ALCAM: variants seen among roughly 807,000 people sequenced by gnomAD.
ALCAM encodes activated leukocyte cell adhesion molecule.
Under a neutral mutation model 70.9 loss-of-function variants are expected in ALCAM, and 30 were observed. The observed-to-expected ratio is 0.42, with a 90% CI of 0.32 to 0.57. The LOEUF is 0.57. ALCAM is among the 20% of genes least tolerant of loss of function. The pLI is 0.11. For synonymous variants in ALCAM, 249 were observed against 242.5 expected (o/e 1.03, Z -0.25); for missense variants, 591 against 695.1 (o/e 0.85, Z 1.68).
In ALCAM at chr3:105,524,396, A is replaced by T. The variant is rs770334153; in HGVS notation, c.282A>T (p.Glu94Asp). 65 of 1,614,088 alleles carry T rather than the reference A, an allele frequency of 4.0e-5. No homozygotes were observed. The East Asian group carries it at 1.3e-3, about 32-fold the overall frequency. Residue 94 changes from glutamate to aspartate, a missense_variant, in exon 3 of 16, where the codon GAA (glutamate) becomes GAT (aspartate). Transcript: ENST00000306107. ...ACAAAGACAGATTGAACCTCTCAGA[A>T]AACTACACTTTGTCTATCAGTAATG... Reference protein sequence around the residue: ...PEYKDRLNLSENYTLSISNAR... With the variant: ...PEYKDRLNLSDNYTLSISNAR...
rs577809999 is a variant in ALCAM at position 105,405,606 on chromosome 3, T to C, written c.73+38125T>C. Among the ~76,000 whole-genome samples, 13 of 152,308 alleles carry C rather than the reference T, an allele frequency of 8.5e-5. No individual in the cohort carries two copies. The South Asian group carries it at 2.7e-3, about 32-fold the overall frequency. ...CCCAACAACTGCAGAATATACATTC[T>C]ATTCATCAGCACATGGAACATTCTC... On this transcript the variant is annotated intron_variant, in intron 1 of 15. Transcript: ENST00000306107.
At chr3:105,551,095 G>A (rs565715720) in intron 12 of ALCAM, among the ~76,000 whole-genome samples, 2 of 151,526 alleles carry the variant, frequency 1.3e-5, no homozygotes, top group Non-Finnish European at 3.0e-5. Flanking sequence ...AGCAGGCTAG[G>A]ACTACACTAG....
At chr3:105,474,409 G>A (rs1467632406) in intron 1 of ALCAM, among the ~76,000 whole-genome samples, 1 of 151,678 alleles carries the variant, frequency 6.6e-6, no homozygotes, top group Admixed American at 6.6e-5. Context: ...AAAATTTTAT[G>A]AGAATATATT....
chr3:105,536,527 CTG>C (rs1157117483), intron 6 of ALCAM, among the ~76,000 whole-genome samples: 1 of 152,100 alleles, frequency 6.6e-6, no homozygotes, highest in Non-Finnish European at 1.5e-5. Context: ...ATAGAAATAT[CTG>C]TGAGTATGAG....
At chr3:105,554,036 C>T (rs1157519097) in intron 14 of ALCAM, among the ~76,000 whole-genome samples, 1 of 151,798 alleles carries the variant, frequency 6.6e-6, no homozygotes, top group East Asian at 1.9e-4. Flanking sequence ...CTTAAGCAGC[C>T]CACACCAATA....
intron 1 of ALCAM, among the ~76,000 whole-genome samples, chr3:105,507,286 T>C (rs572316988): frequency 6.6e-6 from 1 of 152,298 alleles, no homozygotes; most frequent in South Asian, 2.1e-4. Context: ...TTATTGACTA[T>C]AGTCCCTAGC....
At chr3:105,418,660 T>G (rs1238355601) in intron 1 of ALCAM, among the ~76,000 whole-genome samples, 1 of 151,802 alleles carries the variant, frequency 6.6e-6, no homozygotes, top group Non-Finnish European at 1.5e-5. Context: ...TTTGATGCAT[T>G]TCCCTCAGAA....
rs1940894708 is a variant in ALCAM at position 105,573,262 on chromosome 3, G to A, written c.*26-1215G>A. ...GAATCACTTGAACCCAAGAGGTGGG[G>A]GTTGCAGTGAGCCAAGATGGTGCCA... On this transcript the variant is annotated intron_variant, in intron 15 of 15. Transcript: ENST00000306107. Among the ~76,000 whole-genome samples, 9 of 152,252 alleles carry A rather than the reference G, an allele frequency of 5.9e-5. 1 individual carries two copies. In the South Asian group the frequency reaches 1.9e-3, roughly 32 times the overall value.
intron 1 of ALCAM, among the ~76,000 whole-genome samples, chr3:105,414,095 G>A (rs1936451365): frequency 6.6e-6 from 1 of 152,006 alleles, no homozygotes; most frequent in Non-Finnish European, 1.5e-5. Context: ...GTCAGTAAAA[G>A]TATATGAAGA....
chr3:105,553,202 A>G, intron 14 of ALCAM: 4 of 738,806 alleles, frequency 5.4e-6, no homozygotes, highest in Non-Finnish European at 5.0e-6. Context: ...TACAGATAGT[A>G]TGAACCTTAC....
intron 1 of ALCAM, among the ~76,000 whole-genome samples, chr3:105,432,055 T>C (rs1326080944): frequency 2.6e-5 from 4 of 152,172 alleles, no homozygotes; most frequent in East Asian, 1.9e-4. Context: ...ATCTCTTCCA[T>C]ATACATTTAT....
At chr3:105,428,228 G>T (rs11714277) in intron 1 of ALCAM, among the ~76,000 whole-genome samples, 22,706 of 151,676 alleles carry the variant, frequency 0.15, 1,804 homozygotes, top group Middle Eastern at 0.19. Context: ...GTTTTCCAGG[G>T]TTAAAATATC....
At chr3:105,494,844 A>G (rs1938693152) in intron 1 of ALCAM, among the ~76,000 whole-genome samples, 1 of 151,966 alleles carries the variant, frequency 6.6e-6, no homozygotes, top group Admixed American at 6.6e-5. Context: ...GTTTTTTTGT[A>G]GAGATGGAAT....
intron 1 of ALCAM, among the ~76,000 whole-genome samples, chr3:105,492,082 A>G (rs7640268): frequency 0.013 from 1,998 of 152,262 alleles, 33 homozygotes; most frequent in African/African-American, 0.044. Flanking sequence ...GCCTCAGGGA[A>G]CTTACAATCA....
At chr3:105,500,701 C>T (rs917952492) in intron 1 of ALCAM, among the ~76,000 whole-genome samples, 2 of 152,196 alleles carry the variant, frequency 1.3e-5, no homozygotes, top group African/African-American at 4.8e-5. Context: ...TAACTTGGTT[C>T]TATCTTCAAC....
At position 105,545,284 on chromosome 3, in the gene ALCAM, C is replaced by A; in HGVS notation, c.1053C>A (p.Pro351=). The A allele has an allele frequency of 6.2e-7, 1 of 1,609,068 alleles. No homozygotes were observed. The highest frequency in any genetic ancestry group is 8.5e-7 in the Non-Finnish European group (1 of 1,176,346). Residue 351 remains proline (P), a synonymous_variant, in exon 9 of 16, where the codon CCC becomes CCA. Coordinates refer to ENST00000306107, the MANE Select transcript of ALCAM (RefSeq NM_001627.4). ...CTAGACAGATTGGTGATGCCCTACC[C>A]GTGTCATGCACAATATCTGCTAGCA... ...EVTRQIGDAL[P]VSCTISASRN...
At chr3:105,513,272 G>A (rs1939290281) in intron 1 of ALCAM, 1 of 151,870 alleles carries the variant, frequency 6.6e-6, no homozygotes, top group African/African-American at 2.4e-5. Flanking sequence ...GGACAAGTAT[G>A]TGGAATCTCA....
At chr3:105,555,336 G>T (rs559820725) in intron 14 of ALCAM, among the ~76,000 whole-genome samples, 1 of 152,086 alleles carries the variant, frequency 6.6e-6, no homozygotes, top group African/African-American at 2.4e-5. Context: ...AAGCATCAAG[G>T]CTTTTTATTA....
chr3:105,428,298 A>C (rs1936842760), intron 1 of ALCAM, among the ~76,000 whole-genome samples: 1 of 152,082 alleles, frequency 6.6e-6, no homozygotes, highest in Non-Finnish European at 1.5e-5. Context: ...AAAGCCTAAA[A>C]AGAAAATCAT....
Sources: gnomAD v4.1 joint callset for allele counts (sites outside exome capture counted in the v4.1 genomes callset) on GRCh38, gnomAD v4.1.1 for gene constraint, MANE v1.5 for transcripts, NCBI Gene and HGNC (gene_info 2026-07-23, HGNC 2026-07-21) for gene names.